The following TTBK1 variants were observed in gnomAD, a reference collection of about 807,000 sequenced individuals.
TTBK1 encodes tau tubulin kinase 1, also known as tau-tubulin kinase 1.
Under a neutral mutation model 108.5 loss-of-function variants are expected in TTBK1, and 34 were observed. That is an observed-to-expected ratio of 0.31 (90% CI 0.24 to 0.42). TTBK1 has a LOEUF of 0.42. Ranked by LOEUF, TTBK1 falls within the 10% of genes least tolerant of loss-of-function variation. The pLI, the probability that TTBK1 is intolerant of heterozygous loss-of-function variation, is 1.00. For missense variants in TTBK1, 1,539 were observed against 1,826.0 expected, an observed-to-expected ratio of 0.84 and a Z score of 2.86; for synonymous variants, 809 against 795.1, an observed-to-expected ratio of 1.02 and a Z score of -0.29.
intron 13 of TTBK1, chr6:43,272,121 C>T (rs1777849887): frequency 1.0e-6 from 1 of 985,392 alleles, no homozygotes; most frequent in African/African-American, 1.7e-5. Flanking sequence ...TTCCCATCCA[C>T]CCCAGGTAGT....
Position 43,259,421 on chromosome 6 carries a change from C to A in TTBK1, c.1249-110C>A, listed in dbSNP as rs145431111. 3 of 1,355,580 alleles carry A rather than the reference C, an allele frequency of 2.2e-6. No homozygotes were observed. Among genetic ancestry groups the A allele is most frequent in the Non-Finnish European group, 3.0e-6 (3 of 1,005,008 alleles). The allele number at this position is 1,355,580 out of a possible 1,614,324, so 84.0% of individuals were successfully genotyped here. A position where few individuals can be genotyped will look rare whatever the true frequency, so the allele number is the denominator to read the frequency against. ...GTTTCCCGGTCCCTCCCCGCACTAGCCTCGCTGTGTCTTCCATCATCATCA... is the reference window on the plus strand; with the variant it reads ...GTTTCCCGGTCCCTCCCCGCACTAGACTCGCTGTGTCTTCCATCATCATCA... On this transcript the variant is annotated intron_variant, in intron 11 of 14. Transcript: ENST00000259750. The surrounding 1 kb of genome is among the most constrained non-coding windows in gnomAD (Gnocchi z 6.7).
chr6:43,269,896 G>T lies in TTBK1; in HGVS notation c.1986+6546G>T. On this transcript the variant is annotated intron_variant, in intron 13 of 14. Transcript: ENST00000259750. This position sits in a 1 kb window ranked among gnomAD's most constrained non-coding sequence, Gnocchi z 4.8. The stretch of plus-strand genomic sequence containing the variant: ...CACAGACTCATGCCCTCGGTGCTCC[G>T]CATCTCGCGGTCCCAGCTGCAGCAG... 6.6e-7 allele frequency: 1 copy of T among 1,513,310 alleles called. No individual in the cohort carries two copies. The highest frequency in any genetic ancestry group is 8.8e-7 in the Non-Finnish European group (1 of 1,134,362). 93.7% of individuals were successfully genotyped at this position (1,513,310 alleles called of 1,614,324 possible).
chr6:43,285,323 G>A lies in TTBK1; in HGVS notation c.3913G>A (p.Ala1305Thr), dbSNP rs752140081. 6.2e-6 allele frequency: 8 copies of A among 1,293,356 alleles called. No homozygotes were observed. Among genetic ancestry groups the A allele is most frequent in the Middle Eastern group, 2.0e-4 (1 of 4,956 alleles). The allele number at this position is 1,293,356 out of a possible 1,614,324, so 80.1% of individuals were successfully genotyped here. The change falls in exon 15 of 15, where the codon GCA becomes ACA. Residue 1305 changes from alanine (A) to threonine (T), a missense_variant. By Grantham distance (58) the Ala-to-Thr change is moderately conservative. Coordinates refer to ENST00000259750, the MANE Select transcript of TTBK1 (RefSeq NM_032538.3). The surrounding 1 kb of genome is among the most constrained non-coding windows in gnomAD (Gnocchi z 4.7). ...GPRGKLQAQR[A>T]TTKGRAGGAE... is the part of the protein sequence containing the mutation. The stretch of plus-strand genomic sequence containing the variant: ...CAGAGGGAAACTCCAGGCTCAGCGC[G>A]CAACAACCAAAGGCCGGGCAGGAGG...
At chr6:43,281,442 C>T (rs1778159723) in intron 13 of TTBK1, among the ~76,000 whole-genome samples, 2 of 150,594 alleles carry the variant, frequency 1.3e-5, no homozygotes, top group Admixed American at 1.3e-4. Flanking sequence ...AGATTTGAAG[C>T]AGAGAGAGAT....
chr6:43,271,136 G>C, intron 13 of TTBK1: 3 of 985,474 alleles, frequency 3.0e-6, no homozygotes, highest in Non-Finnish European at 3.6e-6. Context: ...TGTTCCCCTG[G>C]GGAATGCGGT....
Position 43,269,516 on chromosome 6 carries a change from C to T in TTBK1, c.1986+6166C>T. On this transcript the variant is annotated intron_variant, in intron 13 of 14. Transcript: ENST00000259750. The surrounding 1 kb of genome is among the most constrained non-coding windows in gnomAD (Gnocchi z 4.8). ...TGGTTTGCACCCTCCTCCACCCTGC[C>T]TGACCCCGCCCACTTGCCCGGGACG... 8.7e-7 allele frequency: 1 copy of T among 1,144,840 alleles called. No homozygotes were observed. Among genetic ancestry groups the T allele is most frequent in the Non-Finnish European group, 1.2e-6 (1 of 843,192 alleles). 70.9% of individuals were successfully genotyped at this position (1,144,840 alleles called of 1,614,324 possible).
intron 12 of TTBK1, among the ~76,000 whole-genome samples, chr6:43,262,485 C>G (rs1267844081): frequency 6.6e-6 from 1 of 152,186 alleles, no homozygotes; most frequent in African/African-American, 2.4e-5. Context: ...GAGAGCGTTC[C>G]TTGCACAGAA....
Position 43,257,749 on chromosome 6 carries a change from C to T in TTBK1, c.862-63C>T. 1 of 1,544,114 alleles carries T rather than the reference C, an allele frequency of 6.5e-7. No individual in the cohort carries two copies. The highest frequency in any genetic ancestry group is 1.2e-5 in the South Asian group (1 of 81,578). On this transcript the variant is annotated intron_variant, in intron 9 of 14. Coordinates refer to ENST00000259750, the MANE Select transcript of TTBK1 (RefSeq NM_032538.3). This position sits in a 1 kb window ranked among gnomAD's most constrained non-coding sequence, Gnocchi z 4.5. ...TTCCTCCTATGATCCCAGCAACTGC[C>T]CCTTCCTCCTGGCTAGCCCCCGGAT... is the stretch of plus-strand genomic sequence containing the variant.
intron 13 of TTBK1, among the ~76,000 whole-genome samples, chr6:43,279,349 G>A (rs749504927): frequency 5.9e-5 from 9 of 152,204 alleles, no homozygotes; most frequent in Non-Finnish European, 1.0e-4. Context: ...GGATTAGAGA[G>A]GGACAATAGG....
At chr6:43,258,200 G>A (rs766165550) in intron 10 of TTBK1, among the ~76,000 whole-genome samples, 1 of 152,102 alleles carries the variant, frequency 6.6e-6, no homozygotes, top group Non-Finnish European at 1.5e-5. Context: ...GGGGGAGCAG[G>A]GAACCCTAAG....
chr6:43,261,920 T>A lies in TTBK1; in HGVS notation c.1425-869T>A, dbSNP rs144125018. 2.1e-3 allele frequency among the ~76,000 whole-genome samples: 321 copies of A among 151,628 alleles called. 1 individual carries two copies. The highest frequency in any genetic ancestry group is 3.6e-3 in the Non-Finnish European group (246 of 67,912). On this transcript the variant is annotated intron_variant, in intron 12 of 14. Transcript: ENST00000259750. ...AGGCCCTGCGCAGCAGAGCTCACAG[T>A]CTCTTGGGGAGACAGATTATGTGAC... is the stretch of plus-strand genomic sequence containing the variant.
At chr6:43,256,910 G>A (rs546782846) in intron 9 of TTBK1, among the ~76,000 whole-genome samples, 3 of 152,298 alleles carry the variant, frequency 2.0e-5, no homozygotes, top group East Asian at 3.9e-4. Context: ...TTCTGACTCC[G>A]AGTCCAGGGC....
chr6:43,265,037 G>A lies in TTBK1; in HGVS notation c.1986+1687G>A, dbSNP rs1777639545. Among the ~76,000 whole-genome samples the A allele has an allele frequency of 1.3e-5, 2 of 152,240 alleles. No homozygotes were observed. Among genetic ancestry groups the A allele is most frequent in the African/African-American group, 4.8e-5 (2 of 41,466 alleles). On this transcript the variant is annotated intron_variant, in intron 13 of 14. Coordinates refer to ENST00000259750, the MANE Select transcript of TTBK1 (RefSeq NM_032538.3). The surrounding 1 kb of genome is among the most constrained non-coding windows in gnomAD (Gnocchi z 4.1). ...AGGCAGAGAGCCACTGGCCTGACCA[G>A]GCTTTGCTGTGTGGGACAGAGGCTG...
chr6:43,259,449 C>A lies in TTBK1; in HGVS notation c.1249-82C>A. ...CGCTGTGTCTTCCATCATCATCATC[C>A]TCTGTCTCCTTCACCCTGAGGAGAC... On this transcript the variant is annotated intron_variant, in intron 11 of 14. Transcript: ENST00000259750. The surrounding 1 kb of genome is among the most constrained non-coding windows in gnomAD (Gnocchi z 6.7). 2 of 1,432,978 alleles carry A rather than the reference C, an allele frequency of 1.4e-6. No individual in the cohort carries two copies. Among genetic ancestry groups the A allele is most frequent in the Non-Finnish European group, 9.3e-7 (1 of 1,070,038 alleles). 88.8% of individuals were successfully genotyped at this position (1,432,978 alleles called of 1,614,324 possible).
chr6:43,275,877 G>C (rs1777970182), intron 13 of TTBK1, among the ~76,000 whole-genome samples: 3 of 152,022 alleles, frequency 2.0e-5, no homozygotes. Flanking sequence ...CTCCCCGCTC[G>C]GAGGGGCTTC....
In TTBK1 at chr6:43,257,138, C is replaced by G. The variant is rs1777403760; in HGVS notation, c.862-674C>G. Among the ~76,000 whole-genome samples, 1 of 152,208 alleles carries G rather than the reference C, an allele frequency of 6.6e-6. No individual in the cohort carries two copies. Among genetic ancestry groups the G allele is most frequent in the African/African-American group, 2.4e-5 (1 of 41,440 alleles). On this transcript the variant is annotated intron_variant, in intron 9 of 14. Transcript: ENST00000259750. The surrounding 1 kb of genome is among the most constrained non-coding windows in gnomAD (Gnocchi z 4.5). ...CCCTGTGCTCTGGAGACAGCCAAGC[C>G]AGAAGTGGAGTGTTCTGGGGACCTC...
At chr6:43,245,842 C>T (rs556576919) in intron 1 of TTBK1, among the ~76,000 whole-genome samples, 2 of 152,278 alleles carry the variant, frequency 1.3e-5, no homozygotes, top group South Asian at 4.2e-4. Context: ...TGCTAGGCCC[C>T]TTCCATTTTC....
chr6:43,264,395 A>G (rs948456791), intron 13 of TTBK1, among the ~76,000 whole-genome samples: 3 of 152,118 alleles, frequency 2.0e-5, no homozygotes, highest in Non-Finnish European at 2.9e-5. Flanking sequence ...AATAAAATAA[A>G]ATAAAATAAA....
At position 43,269,782 on chromosome 6, in the gene TTBK1, C is replaced by T; in HGVS notation, c.1986+6432C>T. 1 of 1,577,816 alleles carries T rather than the reference C, an allele frequency of 6.3e-7. No individual in the cohort carries two copies. Among genetic ancestry groups the T allele is most frequent in the South Asian group, 1.1e-5 (1 of 87,872 alleles). On this transcript the variant is annotated intron_variant, in intron 13 of 14. Transcript: ENST00000259750. The surrounding 1 kb of genome is among the most constrained non-coding windows in gnomAD (Gnocchi z 4.8). ...GGCGGCGGCGGCTCCTCGGGCTCCT[C>T]CGGTTCCCTCATTCAGCGCAGCCGC... is the stretch of plus-strand genomic sequence containing the variant.
Sources: gnomAD v4.1 joint callset for allele counts (sites outside exome capture counted in the v4.1 genomes callset) on GRCh38, gnomAD v4.1.1 for gene constraint, Gnocchi (gnomAD v3.1) non-coding constraint, MANE v1.5 for transcripts, NCBI Gene and HGNC (gene_info 2026-07-23, HGNC 2026-07-21) for gene names.